Variants in LGI4 observed in about 807,000 individuals in gnomAD.
The protein encoded by LGI4 is leucine rich repeat LGI family member 4.
A neutral mutation model predicts 48.3 loss-of-function variants in LGI4; 36 were observed. The observed-to-expected ratio is 0.75, with a 90% CI of 0.57 to 0.98. The LOEUF (loss-of-function observed/expected upper bound fraction) is 0.98. Ranked by LOEUF, LGI4 falls within the 50% of genes least tolerant of loss-of-function variation. The pLI, the probability that LGI4 is intolerant of heterozygous loss-of-function variation, is 0.00. For synonymous variants in LGI4, 355 were observed against 331.6 expected, an observed-to-expected ratio of 1.07 and a Z score of -0.77; for missense variants, 701 against 732.1, an observed-to-expected ratio of 0.96 and a Z score of 0.49.
At chr19:35,129,330 A>G (rs925916340) in intron 6 of LGI4, among the ~76,000 whole-genome samples, 2 of 151,200 alleles carry the variant, frequency 1.3e-5, no homozygotes, top group Non-Finnish European at 2.9e-5. Context: ...ATATATAATT[A>G]TATATATATT....
At position 35,134,628 on chromosome 19, in the gene LGI4, A is replaced by T; in HGVS notation, c.53T>A (p.Val18Glu). 1 of 1,570,468 alleles carries T rather than the reference A, an allele frequency of 6.4e-7. No individual in the cohort carries two copies. The highest frequency in any genetic ancestry group is 8.7e-7 in the Non-Finnish European group (1 of 1,155,118). ...LLLLAGAGVV[V>E]AWRPPKGKCP... Reference sequence around the variant, plus strand: ...CTTTCCCTTTGGGGGTCTCCAGGCCACCACCACCCCCGCCCCAGCCAGCAG... The same window carrying T: ...CTTTCCCTTTGGGGGTCTCCAGGCCTCCACCACCCCCGCCCCAGCCAGCAG... Residue 18 changes from valine to glutamate, a missense_variant, in exon 1 of 9, where the codon GTG becomes GAG. Val to Glu is a moderately radical substitution (Grantham distance 121). Coordinates refer to ENST00000310123, the MANE Select transcript of LGI4 (RefSeq NM_139284.3).
At chr19:35,125,605 T>C in intron 8 of LGI4, 98 bp from the exon 9 acceptor site, 1 of 1,026,166 alleles carries the variant, frequency 9.7e-7, no homozygotes, top group Non-Finnish European at 1.4e-6. Context: ...AAAACTCCCA[T>C]AGCTTTCTTA....
At chr19:35,133,370 T>C (rs1168751668) in intron 3 of LGI4, 3 of 1,187,472 alleles carry the variant, frequency 2.5e-6, no homozygotes, top group Non-Finnish European at 3.1e-6. Context: ...CTCTGACTTC[T>C]GTACACCCTT....
intron 6 of LGI4, chr19:35,130,944 G>A (rs749903436): frequency 1.2e-5 from 5 of 411,246 alleles, no homozygotes; most frequent in Non-Finnish European, 2.2e-5. Context: ...ACCCAGGGCT[G>A]GCCTCATCAT....
intron 3 of LGI4, 168 bp downstream of exon 3, chr19:35,133,525 C>G: frequency 2.1e-6 from 3 of 1,451,700 alleles, no homozygotes; most frequent in African/African-American, 1.4e-5. Context: ...CAGTATCACC[C>G]AAAGCATCAT....
At chr19:35,134,189 C>T in intron 1 of LGI4, 85 bp from the exon 2 acceptor site, 2 of 1,234,438 alleles carry the variant, frequency 1.6e-6, no homozygotes, top group South Asian at 1.3e-5. Flanking sequence ...TCCGGGAGAC[C>T]CCAGCGTGCC....
At chr19:35,130,346 C>T (rs2065166363) in intron 6 of LGI4, among the ~76,000 whole-genome samples, 1 of 152,192 alleles carries the variant, frequency 6.6e-6, no homozygotes, top group Non-Finnish European at 1.5e-5. Flanking sequence ...AGGTCCCCTT[C>T]ATATTGTTAT....
intron 6 of LGI4, 185 bp downstream of exon 6, chr19:35,131,201 C>T (rs1450256363): frequency 1.3e-6 from 1 of 741,652 alleles, no homozygotes; most frequent in South Asian, 1.5e-5. Context: ...CCATGGCACT[C>T]CTATATCACT....
At chr19:35,133,657 C>A in intron 3 of LGI4, 36 bp downstream of exon 3, 2 of 1,564,328 alleles carry the variant, frequency 1.3e-6, no homozygotes, top group Non-Finnish European at 1.7e-6. Context: ...CCTCCTTGCC[C>A]AGACCCACCT....
At position 35,131,501 on chromosome 19, in the gene LGI4, C is replaced by T. The variant is rs748947131; in HGVS notation, c.513G>A (p.Gln171=). Residue 171 remains glutamine (Q), a synonymous_variant, in exon 6 of 9, where the codon CAG becomes CAA. Transcript: ENST00000310123. ...CGCTGGCATTCACGGTGGGCATCCACTGCAGGAGCCAGAGGACGCGGCAGT... is the reference window on the plus strand; with the variant it reads ...CGCTGGCATTCACGGTGGGCATCCATTGCAGGAGCCAGAGGACGCGGCAGT... ...QCDCRVLWLL[Q]WMPTVNASVG... 1.9e-6 allele frequency: 3 copies of T among 1,551,350 alleles called. No individual in the cohort carries two copies. The highest frequency in any genetic ancestry group is 2.4e-5 in the South Asian group (2 of 84,044).
intron 6 of LGI4, 81 bp from the exon 7 acceptor site, chr19:35,127,098 GA>G (rs1425965805): frequency 7.1e-7 from 1 of 1,406,014 alleles, no homozygotes; most frequent in African/African-American, 1.4e-5. Flanking sequence ...CTACATCTCT[GA>G]AATGGAGGCC....
At chr19:35,127,266 C>T (rs2065146868) in intron 6 of LGI4, among the ~76,000 whole-genome samples, 1 of 152,220 alleles carries the variant, frequency 6.6e-6, no homozygotes, top group African/African-American at 2.4e-5. Context: ...CTCAATGCAG[C>T]CTCCACCTTC....
At position 35,132,168 on chromosome 19, in the gene LGI4, C is replaced by A. The variant is rs2065180403; in HGVS notation, c.315-126G>T. 1.1e-5 allele frequency: 9 copies of A among 822,134 alleles called. No individual in the cohort carries two copies. The South Asian group carries it at 1.2e-4, about 11-fold the overall frequency. The allele number at this position is 822,134 out of a possible 1,614,324, so 50.9% of individuals were successfully genotyped here. Reference sequence around the variant, plus strand: ...ATACCACGGACAATCCCAGGGAAAGCCTCTCAAAAACCTCTCCTCCCAAAG... The same window carrying A: ...ATACCACGGACAATCCCAGGGAAAGACTCTCAAAAACCTCTCCTCCCAAAG... On this transcript the variant is annotated intron_variant, in intron 3 of 8. Transcript: ENST00000310123.
At chr19:35,134,447 C>T (rs2065195739) in intron 1 of LGI4, 64 bp downstream of exon 1, 1 of 1,512,854 alleles carries the variant, frequency 6.6e-7, no homozygotes, top group Non-Finnish European at 9.0e-7. Flanking sequence ...GCACCACATC[C>T]CAACCTCTGG....
At chr19:35,130,059 A>C (rs1042395700) in intron 6 of LGI4, among the ~76,000 whole-genome samples, 2 of 152,088 alleles carry the variant, frequency 1.3e-5, no homozygotes, top group Non-Finnish European at 2.9e-5. Context: ...CCTTAAACTT[A>C]TTTATGACAC....
In LGI4 at chr19:35,126,671, C is replaced by T. The variant is rs373087134; in HGVS notation, c.898G>A (p.Gly300Ser). 3.6e-5 allele frequency: 56 copies of T among 1,535,296 alleles called. No individual in the cohort carries two copies. In the African/African-American group the frequency reaches 5.6e-4, roughly 15 times the overall value. The change falls in exon 8 of 9, where the codon GGC becomes AGC. Residue 300 changes from glycine to serine, a missense_variant. Physicochemically the swap from Gly to Ser is moderately conservative, Grantham distance 56 (BLOSUM62 0). Around this residue, in one of 3 missense-constraint regions of LGI4, gnomAD observed 462 missense variants for 436.4 expected, o/e 1.06. Transcript: ENST00000310123. ...GTCTGCGTTGGGGCCAGGCGCAGGC[C>T]GGGACTGGGCCGGGCCCACAGCTGT... ...GSQLWARPSP[G>S]LRLAPTQTLA... is the part of the protein sequence containing the mutation.
chr19:35,125,472 C>A lies in LGI4; in HGVS notation c.1335G>T (p.Leu445=). The part of the protein sequence containing the change: ...MRWDGSMFRL[L]QQLPSRGAHV... ...GGGCACCGCGCGAGGGAAGTTGCTG[C>A]AGCAGACGAAACATGGAGCCGTCCC... Residue 445 remains leucine, a synonymous_variant, in exon 9 of 9, where the codon CTG becomes CTT. Transcript: ENST00000310123. The A allele has an allele frequency of 2.5e-6, 4 of 1,585,918 alleles. No homozygotes were observed. Among genetic ancestry groups the A allele is most frequent in the Non-Finnish European group, 2.6e-6 (3 of 1,164,094 alleles).
chr19:35,125,737 A>G (rs1447019814), intron 8 of LGI4: 1 of 690,920 alleles, frequency 1.4e-6, no homozygotes, highest in Non-Finnish European at 2.6e-6. Flanking sequence ...TTCACCTTCT[A>G]CAGTTGTACA....
In LGI4 at chr19:35,126,428, C is replaced by T. The variant is rs760869652; in HGVS notation, c.1141G>A (p.Ala381Thr). ...AGCACGGGCCGCTGGGAAGCCGAGG[C>T]CAGCAGCAGGTGGGGCCGGCCGTCC... is the stretch of plus-strand genomic sequence containing the variant. The part of the protein sequence containing the change: ...ELDGRPHLLL[A>T]SASQRPVLFH... Residue 381 changes from alanine to threonine, a missense_variant, in exon 8 of 9, where the codon GCC becomes ACC. Physicochemically the swap from Ala to Thr is moderately conservative, Grantham distance 58. Around this residue, in one of 3 missense-constraint regions of LGI4, gnomAD observed 223 missense variants for 263.3 expected, o/e 0.85. Coordinates refer to ENST00000310123, the MANE Select transcript of LGI4 (RefSeq NM_139284.3). 6 of 1,603,596 alleles carry T rather than the reference C, an allele frequency of 3.7e-6. No individual in the cohort carries two copies. The highest frequency in any genetic ancestry group is 1.3e-5 in the African/African-American group (1 of 74,994).
Sources: gnomAD v4.1 joint callset for allele counts (sites outside exome capture counted in the v4.1 genomes callset) on GRCh38, gnomAD v4.1.1 for gene constraint, gnomAD v4.1.1 regional missense constraint, MANE v1.5 for transcripts, NCBI Gene and HGNC (gene_info 2026-07-23, HGNC 2026-07-21) for gene names.